The following MANSC4 variants were observed in gnomAD, a reference collection of about 807,000 sequenced individuals.
MANSC4 encodes MANSC domain containing 4.
Under a neutral mutation model 11.4 loss-of-function variants are expected in MANSC4, and 11 were observed. The ratio of observed to expected loss-of-function variants is 0.97; its 90% confidence interval spans 0.61 to 1.60. The LOEUF (loss-of-function observed/expected upper bound fraction) is 1.60. Ranked by LOEUF, MANSC4 falls within the 40% of genes most tolerant of loss-of-function variation. The pLI, the probability that MANSC4 is intolerant of heterozygous loss-of-function variation, is 0.00. For synonymous variants in MANSC4, 123 were observed against 147.1 expected (o/e 0.84, Z 1.19); for missense variants, 354 against 404.6 (o/e 0.88, Z 1.07).
At chr12:27,764,127 C>T (rs144240809) in intron 3 of MANSC4, among the ~76,000 whole-genome samples, 1 of 152,226 alleles carries the variant, frequency 6.6e-6, no homozygotes, top group African/African-American at 2.4e-5. Flanking sequence ...CATCCCTTTT[C>T]GACCTCTGAG....
chr12:27,778,590 C>T (rs371966297), intron 1 of MANSC4, among the ~76,000 whole-genome samples: 11 of 151,706 alleles, frequency 7.3e-5, no homozygotes, highest in South Asian at 2.1e-4. Context: ...AACACATATT[C>T]TCTCCAAGTT....
chr12:27,770,615 G>T (rs369012157), intron 2 of MANSC4, among the ~76,000 whole-genome samples: 1 of 152,062 alleles, frequency 6.6e-6, no homozygotes, highest in East Asian at 1.9e-4. Context: ...GAGGCAGGAG[G>T]ATCACCTGAG....
At chr12:27,765,610 C>G in intron 3 of MANSC4, among the ~76,000 whole-genome samples, 1 of 152,162 alleles carries the variant, frequency 6.6e-6, no homozygotes, top group Admixed American at 6.6e-5. Context: ...CCCTTTGAAA[C>G]TTTGCACTGA....
chr12:27,764,173 TACTA>T (rs1213261529), intron 3 of MANSC4, among the ~76,000 whole-genome samples: 1 of 152,200 alleles, frequency 6.6e-6, no homozygotes, highest in Admixed American at 6.5e-5. Context: ...CTCCCTTGTA[TACTA>T]ACTCCTTTCC....
intron 1 of MANSC4, among the ~76,000 whole-genome samples, chr12:27,775,950 C>T (rs555632885): frequency 1.5e-3 from 226 of 151,574 alleles, no homozygotes; most frequent in Middle Eastern, 3.4e-3. Flanking sequence ...ATTAGCCAGG[C>T]GTGGTGGCAG....
At chr12:27,773,134 G>C (rs1164927695) in intron 1 of MANSC4, among the ~76,000 whole-genome samples, 10 of 152,206 alleles carry the variant, frequency 6.6e-5, no homozygotes, top group Admixed American at 6.5e-4. Context: ...CTTGAGCCTA[G>C]GAGTTCGAGA....
In MANSC4 at chr12:27,773,340, C is replaced by T. The variant is rs188767351; in HGVS notation, c.-306-1758G>A. Among the ~76,000 whole-genome samples, 291 of 152,204 alleles carry T rather than the reference C, an allele frequency of 1.9e-3. 2 individuals are homozygous for T. Among genetic ancestry groups the T allele is most frequent in the Non-Finnish European group, 4.4e-4 (30 of 68,020 alleles). ...TCTGGAAATGGATAACTTCTTGGGGCCAAGTGTTTTAAAAAGAAATGGTAG... is the reference window on the plus strand; with the variant it reads ...TCTGGAAATGGATAACTTCTTGGGGTCAAGTGTTTTAAAAAGAAATGGTAG... On this transcript the variant is annotated intron_variant, in intron 1 of 3. Coordinates refer to ENST00000381273, the MANE Select transcript of MANSC4 (RefSeq NM_001146221.5).
chr12:27,766,618 G>A, intron 3 of MANSC4, 47 bp downstream of exon 3: 1 of 1,535,212 alleles, frequency 6.5e-7, no homozygotes. Flanking sequence ...GCCTCTACTA[G>A]AATATCGCCA....
intron 1 of MANSC4, among the ~76,000 whole-genome samples, chr12:27,775,769 G>GTT (rs71438710): frequency 4.9e-5 from 7 of 144,160 alleles, no homozygotes; most frequent in African/African-American, 1.0e-4. Context: ...TCCAAAATCT[G>GTT]TTTTTTTTTT....
At chr12:27,767,227 T>C (rs187989800) in intron 2 of MANSC4, among the ~76,000 whole-genome samples, 1 of 151,698 alleles carries the variant, frequency 6.6e-6, no homozygotes, top group Non-Finnish European at 1.5e-5. Flanking sequence ...GCAATCTGCC[T>C]CCCCCAAAGC....
intron 2 of MANSC4, 62 bp downstream of exon 2, chr12:27,770,986 C>G (rs1341031777): frequency 7.6e-6 from 10 of 1,322,950 alleles, no homozygotes; most frequent in Non-Finnish European, 1.0e-5. Context: ...AGGCTCCTCA[C>G]TTAGGGCTTC....
chr12:27,766,497 T>A (rs945262371), intron 3 of MANSC4, among the ~76,000 whole-genome samples, 168 bp downstream of exon 3: 1 of 152,216 alleles, frequency 6.6e-6, no homozygotes, highest in Non-Finnish European at 1.5e-5. Context: ...CTAAAGAGAA[T>A]TTTCTTTCAG....
chr12:27,764,853 A>AT lies in MANSC4; in HGVS notation c.365-1458dup, dbSNP rs146471830. On this transcript the variant is annotated intron_variant, in intron 3 of 3. Transcript: ENST00000381273. ...ACACTGAAATCTACACTGTAAGGTG[A>AT]TTTTTTTTTAAGAGACAGCTGTTAC... Among the ~76,000 whole-genome samples, 1,040 of 151,522 alleles carry AT rather than the reference A, an allele frequency of 6.9e-3. 28 individuals carry two copies. In the East Asian group the frequency reaches 0.099, roughly 14 times the overall value.
In MANSC4 at chr12:27,763,039, G is replaced by C; in HGVS notation, c.722C>G (p.Thr241Arg). The change falls in exon 4 of 4, where the codon ACA (threonine) becomes AGA (arginine). Residue 241 changes from threonine (T) to arginine (R), a missense_variant. Transcript: ENST00000381273. The part of the protein sequence containing the change: ...TISPFFEPID[T>R]KLSHMPVPPG... ...TGGAACAGGCATATGAGAAAGTTTT[G>C]TGTCTATGGGTTCAAAGAAAGGAGA... The C allele has an allele frequency of 6.4e-7, 1 of 1,551,686 alleles. No homozygotes were observed. The highest frequency in any genetic ancestry group is 1.2e-5 in the South Asian group (1 of 84,064).
chr12:27,763,027 T>C lies in MANSC4; in HGVS notation c.734A>G (p.His245Arg). The change falls in exon 4 of 4, where the codon CAT becomes CGT. Residue 245 changes from histidine to arginine, a missense_variant. Coordinates refer to ENST00000381273, the MANE Select transcript of MANSC4 (RefSeq NM_001146221.5). The stretch of plus-strand genomic sequence containing the variant: ...GTTGAGTCCAGGTGGAACAGGCATA[T>C]GAGAAAGTTTTGTGTCTATGGGTTC... ...FFEPIDTKLS[H>R]MPVPPGLNSS... 1 of 1,551,246 alleles carries C rather than the reference T, an allele frequency of 6.4e-7. No homozygotes were observed.
In MANSC4 at chr12:27,762,859, C is replaced by A; in HGVS notation, c.902G>T (p.Cys301Phe). 1.3e-6 allele frequency: 2 copies of A among 1,551,994 alleles called. No individual in the cohort carries two copies. The highest frequency in any genetic ancestry group is 1.7e-6 in the Non-Finnish European group (2 of 1,147,072). ...LCTSVIFLGC[C>F]IVILASGCCG... ...GCATCCAGATGCCAGGATGACTATA[C>A]AACAGCCGAGAAAGATGACAGAGGT... Residue 301 changes from cysteine to phenylalanine, a missense_variant, in exon 4 of 4, where the codon TGT becomes TTT. Transcript: ENST00000381273.
At position 27,780,085 on chromosome 12, in the gene MANSC4, G is replaced by A. The variant is rs981315869; in HGVS notation, c.-307+125C>T. The A allele has an allele frequency of 2.4e-5, 4 of 169,478 alleles. No homozygotes were observed. Among genetic ancestry groups the A allele is most frequent in the Non-Finnish European group, 5.0e-5 (4 of 80,426 alleles). 10.5% of individuals were successfully genotyped at this position (169,478 alleles called of 1,614,324 possible). A position where few individuals can be genotyped will look rare whatever the true frequency, so the allele number is the denominator to read the frequency against. ...CGGGAGAGCCCGCGCGAGGACGCCC[G>A]CCGCGCTCCGCCGGCCCTTTTTTGG... On this transcript the variant is annotated intron_variant, in intron 1 of 3. Coordinates refer to ENST00000381273, the MANE Select transcript of MANSC4 (RefSeq NM_001146221.5). This position sits in a 1 kb window ranked among gnomAD's most constrained non-coding sequence, Gnocchi z 8.8.
At chr12:27,776,515 C>A (rs964257557) in intron 1 of MANSC4, among the ~76,000 whole-genome samples, 2 of 151,892 alleles carry the variant, frequency 1.3e-5, no homozygotes, top group Admixed American at 1.3e-4. Context: ...GCATCACTTG[C>A]GCCCAGGAGT....
intron 3 of MANSC4, among the ~76,000 whole-genome samples, chr12:27,764,348 C>A (rs1392654890): frequency 1.3e-5 from 2 of 152,082 alleles, no homozygotes; most frequent in East Asian, 3.9e-4. Context: ...CAATTGTTTC[C>A]TTACTTCCTG....
Sources: allele counts gnomAD v4.1 joint callset (sites outside exome capture counted in the v4.1 genomes callset), GRCh38; gene constraint gnomAD v4.1.1; non-coding constraint Gnocchi (gnomAD v3.1); transcripts MANE v1.5; gene names NCBI Gene and HGNC (gene_info 2026-07-23, HGNC 2026-07-21).